Variants in FUT8 observed in about 807,000 individuals in gnomAD.
The protein encoded by FUT8 is fucosyltransferase 8.
Under a neutral mutation model 71.3 loss-of-function variants are expected in FUT8, and 29 were observed. That is an observed-to-expected ratio of 0.41 (90% confidence interval 0.30 to 0.55). The LOEUF is 0.55. FUT8 is among the 20% of genes least tolerant of loss of function. FUT8 has a pLI of 0.34. For synonymous variants in FUT8, 254 were observed against 239.3 expected, an observed-to-expected ratio of 1.06 and a Z score of -0.57; for missense variants, 544 against 702.1, an observed-to-expected ratio of 0.77 and a Z score of 2.55.
chr14:65,373,331 A>C, the FUT8 span, among the ~76,000 whole-genome samples: 3 of 151,146 alleles, frequency 2.0e-5, no homozygotes, highest in Non-Finnish European at 4.4e-5. Flanking sequence ...TCCTGTGGCC[A>C]TATAAACCCC....
intron 2 of FUT8, among the ~76,000 whole-genome samples, chr14:65,463,254 G>T (rs895965452): frequency 3.9e-5 from 6 of 152,176 alleles, no homozygotes; most frequent in Admixed American, 1.3e-4. Context: ...AAGAGTAGGA[G>T]AATTTTTTAT....
At chr14:65,523,256 G>C (rs1181594081) in intron 2 of FUT8, among the ~76,000 whole-genome samples, 2 of 152,114 alleles carry the variant, frequency 1.3e-5, no homozygotes, top group African/African-American at 4.8e-5. Context: ...ACTTTTTAAT[G>C]ACCGCCATTC....
chr14:65,532,200 G>A (rs1423257036), intron 2 of FUT8, among the ~76,000 whole-genome samples: 1 of 152,174 alleles, frequency 6.6e-6, no homozygotes, highest in African/African-American at 2.4e-5. Context: ...TGGCCACACT[G>A]CTTTCCACAG....
upstream of FUT8, chr14:65,412,561 GC>G (rs1443238953): frequency 1.4e-5 from 5 of 350,172 alleles, no homozygotes; most frequent in Non-Finnish European, 2.8e-5. Context: ...TCCCGCTGTG[GC>G]CCGCGGCTCT....
chr14:65,412,261 G>A (rs1216488788), upstream of FUT8: 1 of 456,218 alleles, frequency 2.2e-6, no homozygotes, highest in South Asian at 1.5e-5. Context: ...GGCCAAATGC[G>A]GGCTGCAGGG....
intron 1 of FUT8, among the ~76,000 whole-genome samples, chr14:65,437,187 T>C (rs2065574749): frequency 6.6e-6 from 1 of 152,212 alleles, no homozygotes; most frequent in Non-Finnish European, 1.5e-5. Context: ...TTGCAACTGC[T>C]TTTACTTCTG....
chr14:65,663,973 A>G (rs1892089293), intron 6 of FUT8, among the ~76,000 whole-genome samples: 1 of 152,020 alleles, frequency 6.6e-6, no homozygotes, highest in South Asian at 2.1e-4. Flanking sequence ...TTCCTTAAAA[A>G]AGAAGAAGAA....
chr14:65,631,391 G>C (rs888467532), intron 6 of FUT8, among the ~76,000 whole-genome samples: 3 of 151,316 alleles, frequency 2.0e-5, no homozygotes, highest in Non-Finnish European at 2.9e-5. Context: ...TTTCCTCTTG[G>C]TTTGTGGGTG....
At chr14:65,514,955 T>C (rs1308914422) in intron 2 of FUT8, among the ~76,000 whole-genome samples, 1 of 150,660 alleles carries the variant, frequency 6.6e-6, no homozygotes, top group Non-Finnish European at 1.5e-5. Context: ...CATGCAACTT[T>C]GTGTTTTCCT....
intron 9 of FUT8, among the ~76,000 whole-genome samples, chr14:65,728,454 A>G (rs1056182923): frequency 1.3e-5 from 2 of 152,098 alleles, no homozygotes; most frequent in Non-Finnish European, 2.9e-5. Flanking sequence ...ATCGAATCTC[A>G]TGAGACTTAT....
At chr14:65,475,760 G>A (rs1217885570) in intron 2 of FUT8, among the ~76,000 whole-genome samples, 2 of 151,874 alleles carry the variant, frequency 1.3e-5, no homozygotes, top group Admixed American at 6.6e-5. Context: ...TCCAGCCTCC[G>A]CAACAGAGTG....
chr14:65,588,469 C>CT (rs1474340964), intron 3 of FUT8, among the ~76,000 whole-genome samples: 16 of 152,170 alleles, frequency 1.1e-4, no homozygotes, highest in Non-Finnish European at 1.8e-4. Flanking sequence ...TAATTTGTGT[C>CT]TGACTTTTCC....
chr14:65,468,388 GA>G, intron 2 of FUT8: 6 of 372,936 alleles, frequency 1.6e-5, no homozygotes, highest in South Asian at 1.0e-4. Context: ...CGAAAGGTTG[GA>G]TTTTTTTTTT....
chr14:65,623,626 G>A (rs1889739604), intron 5 of FUT8, among the ~76,000 whole-genome samples: 1 of 152,150 alleles, frequency 6.6e-6, no homozygotes, highest in African/African-American at 2.4e-5. Context: ...ACTAACACAG[G>A]AGAATTGCTT....
chr14:65,448,081 G>C (rs769380805), intron 1 of FUT8, among the ~76,000 whole-genome samples: 1 of 152,162 alleles, frequency 6.6e-6, no homozygotes, highest in Non-Finnish European at 1.5e-5. Context: ...TAAGACCCCT[G>C]ACCTGTTGAT....
chr14:65,358,086 T>G, the FUT8 span, among the ~76,000 whole-genome samples: 3 of 152,042 alleles, frequency 2.0e-5, no homozygotes, highest in Non-Finnish European at 4.4e-5. Context: ...AGGTAAAAAG[T>G]TACAGTTAGG....
chr14:65,712,422 GT>G (rs1188651098), intron 7 of FUT8, among the ~76,000 whole-genome samples: 1 of 152,146 alleles, frequency 6.6e-6, no homozygotes, highest in Non-Finnish European at 1.5e-5. Flanking sequence ...TGAAAATACA[GT>G]TTTTTTGTTG....
rs766013439 is a variant in FUT8, at chr14:65,724,244, G to T, written c.1180G>T (p.Ala394Ser). Residue 394 changes from alanine (A) to serine (S), a missense_variant, in exon 9 of 11, where the codon GCA becomes TCA. By Grantham distance (99) the Ala-to-Ser change is moderately conservative (BLOSUM62 1). Transcript: ENST00000673929. The stretch of plus-strand genomic sequence containing the variant: ...TGTTGAAGAACATTTTCAGCTTCTT[G>T]CACGCAGAATGCAAGTGGACAAAAA... ...VHVEEHFQLL[A>S]RRMQVDKKRV... is the part of the protein sequence containing the mutation. 6.2e-7 allele frequency: 1 copy of T among 1,613,548 alleles called. No individual in the cohort carries two copies. The highest frequency in any genetic ancestry group is 1.1e-5 in the South Asian group (1 of 90,948).
At chr14:65,432,128 A>G (rs1169222557) in intron 1 of FUT8, among the ~76,000 whole-genome samples, 3 of 151,968 alleles carry the variant, frequency 2.0e-5, no homozygotes, top group Non-Finnish European at 4.4e-5. Context: ...TCTCCTTATA[A>G]CTTTGCTGTC....
Sources: gnomAD v4.1 joint callset for allele counts (sites outside exome capture counted in the v4.1 genomes callset) on GRCh38, gnomAD v4.1.1 for gene constraint, MANE v1.5 for transcripts, NCBI Gene and HGNC (gene_info 2026-07-23, HGNC 2026-07-21) for gene names.